COX7B2: variants seen among roughly 807,000 people sequenced by gnomAD.
COX7B2 encodes cytochrome c oxidase subunit 7B2, mitochondrial.
For synonymous variants in COX7B2, 37 were observed against 32.1 expected (o/e 1.15, Z -0.51); for missense variants, 109 against 95.9 (o/e 1.14, Z -0.57).
At chr4:46,804,276 G>C (rs538457664) in intron 2 of COX7B2, among the ~76,000 whole-genome samples, 2 of 152,322 alleles carry the variant, frequency 1.3e-5, no homozygotes, top group Admixed American at 6.5e-5. Context: ...TTACCGCAAA[G>C]AGCGAAAGAA....
rs376526779 is a variant in COX7B2 at position 46,802,496 on chromosome 4, TG to T, written c.-50+42463del. Among the ~76,000 whole-genome samples the T allele has an allele frequency of 4.2e-3, 638 of 152,286 alleles. 6 individuals carry two copies. Among genetic ancestry groups the T allele is most frequent in the African/African-American group, 0.014 (596 of 41,552 alleles). On this transcript the variant is annotated intron_variant, in intron 2 of 2. Coordinates refer to ENST00000355591, the MANE Select transcript of COX7B2 (RefSeq NM_130902.3). ...TGTTGATCATAGAGAATTTTCCAGT[TG>T]TTTTTTTAAAATATGCTGCTTTTGG... is the stretch of plus-strand genomic sequence containing the variant.
intron 2 of COX7B2, among the ~76,000 whole-genome samples, chr4:46,803,922 C>T (rs940249373): frequency 1.3e-5 from 2 of 152,014 alleles, no homozygotes; most frequent in Non-Finnish European, 2.9e-5. Flanking sequence ...ACACTGTGTC[C>T]GGAATTGGTG....
chr4:46,753,522 G>A (rs949927212), intron 2 of COX7B2, among the ~76,000 whole-genome samples: 1 of 151,564 alleles, frequency 6.6e-6, no homozygotes, highest in Admixed American at 6.6e-5. Context: ...GTAGAAAGCT[G>A]AAACTGGATC....
Position 46,791,860 on chromosome 4 carries a change from A to G in COX7B2, c.-50+53100T>C, listed in dbSNP as rs147066312. ...GCCTGTGAGTTCCAGTTTGCACCCA[A>G]TGATGCTTACTGGTGTTCACCCAAG... On this transcript the variant is annotated intron_variant, in intron 2 of 2. Transcript: ENST00000355591. Among the ~76,000 whole-genome samples, 196 of 152,186 alleles carry G rather than the reference A, an allele frequency of 1.3e-3. 1 individual carries two copies. The highest frequency in any genetic ancestry group is 4.3e-3 in the African/African-American group (180 of 41,468).
intron 2 of COX7B2, among the ~76,000 whole-genome samples, chr4:46,787,080 G>A (rs1314484966): frequency 6.6e-6 from 1 of 152,214 alleles, no homozygotes; most frequent in East Asian, 1.9e-4. Flanking sequence ...AGGAATGGAA[G>A]AGTAAGAAGA....
At chr4:46,881,630 G>A (rs1041040504) in intron 1 of COX7B2, among the ~76,000 whole-genome samples, 7 of 152,012 alleles carry the variant, frequency 4.6e-5, no homozygotes, top group East Asian at 3.9e-4. Context: ...TTAGCCAGAC[G>A]TGGTGGAGTG....
At chr4:46,810,920 T>C (rs1013860265) in intron 2 of COX7B2, among the ~76,000 whole-genome samples, 3 of 152,196 alleles carry the variant, frequency 2.0e-5, no homozygotes, top group Non-Finnish European at 2.9e-5. Context: ...GGTATACTAC[T>C]CTTGGCTGAT....
intron 1 of COX7B2, among the ~76,000 whole-genome samples, chr4:46,877,046 C>A (rs916580772): frequency 6.6e-6 from 1 of 152,106 alleles, no homozygotes; most frequent in Non-Finnish European, 1.5e-5. Context: ...AAGAATCGAA[C>A]GACTCTCAAA....
At chr4:46,874,668 T>C (rs755876552) in intron 1 of COX7B2, among the ~76,000 whole-genome samples, 1 of 152,196 alleles carries the variant, frequency 6.6e-6, no homozygotes, top group Non-Finnish European at 1.5e-5. Context: ...CTGATGCATT[T>C]TGAAAGCACA....
At chr4:46,835,971 C>T (rs961474115) in intron 2 of COX7B2, among the ~76,000 whole-genome samples, 3 of 152,050 alleles carry the variant, frequency 2.0e-5, no homozygotes, top group Non-Finnish European at 2.9e-5. Context: ...CATGTCCAAA[C>T]ATAGAAAAGG....
At chr4:46,805,283 G>A (rs1221490391) in intron 2 of COX7B2, among the ~76,000 whole-genome samples, 1 of 152,242 alleles carries the variant, frequency 6.6e-6, no homozygotes, top group African/African-American at 2.4e-5. Context: ...GGGCCAGAGT[G>A]GGCATCAAGG....
chr4:46,870,237 A>G (rs1485815415), intron 1 of COX7B2, among the ~76,000 whole-genome samples: 1 of 152,132 alleles, frequency 6.6e-6, no homozygotes, highest in Middle Eastern at 3.2e-3. Flanking sequence ...CAAAAACCAC[A>G]TGATTACCTC....
intron 2 of COX7B2, among the ~76,000 whole-genome samples, chr4:46,810,153 G>T (rs1243195515): frequency 6.6e-6 from 1 of 151,876 alleles, no homozygotes; most frequent in Non-Finnish European, 1.5e-5. Context: ...TCTCTTTCAG[G>T]CAGCATATAG....
intron 2 of COX7B2, among the ~76,000 whole-genome samples, chr4:46,827,859 A>T (rs1239516283): frequency 6.6e-6 from 1 of 152,216 alleles, no homozygotes; most frequent in Non-Finnish European, 1.5e-5. Context: ...GGTTCCATTT[A>T]TATGACATTC....
At chr4:46,875,074 T>C (rs1160809354) in intron 1 of COX7B2, among the ~76,000 whole-genome samples, 6 of 152,160 alleles carry the variant, frequency 3.9e-5, no homozygotes, top group Admixed American at 3.9e-4. Context: ...AGAACAAACA[T>C]CTGCCTGTTG....
chr4:46,863,837 T>C (rs755242233), intron 1 of COX7B2, among the ~76,000 whole-genome samples: 13 of 152,208 alleles, frequency 8.5e-5, no homozygotes, highest in Non-Finnish European at 1.6e-4. Context: ...CTTGAAACTT[T>C]ATATTTGACC....
chr4:46,880,576 A>G (rs891216289), intron 1 of COX7B2, among the ~76,000 whole-genome samples: 7 of 151,778 alleles, frequency 4.6e-5, no homozygotes, highest in African/African-American at 1.7e-4. Flanking sequence ...TAGTTTGTGT[A>G]CATAAGGTGT....
chr4:46,747,953 C>T (rs1038394751), intron 2 of COX7B2, among the ~76,000 whole-genome samples: 4 of 151,308 alleles, frequency 2.6e-5, no homozygotes, highest in South Asian at 2.3e-4. Context: ...TGAATATATA[C>T]AAAATAACCA....
intron 2 of COX7B2, among the ~76,000 whole-genome samples, chr4:46,801,886 T>C (rs900641860): frequency 2.1e-4 from 32 of 152,102 alleles, no homozygotes; most frequent in African/African-American, 7.2e-4. Context: ...AAAATGGTAA[T>C]AGTGGGGGGA....
Sources: gnomAD v4.1 joint callset for allele counts (sites outside exome capture counted in the v4.1 genomes callset) on GRCh38, gnomAD v4.1.1 for gene constraint, MANE v1.5 for transcripts, NCBI Gene and HGNC (gene_info 2026-07-23, HGNC 2026-07-21) for gene names.